ZHX2: variants seen among roughly 807,000 people sequenced by gnomAD.
ZHX2 encodes zinc fingers and homeoboxes protein 2.
Under a neutral mutation model 21.9 loss-of-function variants are expected in ZHX2, and 6 were observed. The observed-to-expected ratio is 0.27, with a 90% CI of 0.15 to 0.54. The LOEUF is 0.54. ZHX2 is among the 20% of genes least tolerant of loss of function. The pLI, the probability that ZHX2 is intolerant of heterozygous loss-of-function variation, is 0.95. For missense variants in ZHX2, 908 were observed against 1,090.7 expected, an observed-to-expected ratio of 0.83 and a Z score of 2.36; for synonymous variants, 434 against 437.1, an observed-to-expected ratio of 0.99 and a Z score of 0.09.
chr8:122,960,918 G>A (rs1250549025), intron 3 of ZHX2, among the ~76,000 whole-genome samples: 3 of 152,156 alleles, frequency 2.0e-5, no homozygotes, highest in African/African-American at 4.8e-5. Context: ...AAATGTCCTG[G>A]GCATTCAGAC....
intron 1 of ZHX2, among the ~76,000 whole-genome samples, chr8:122,804,260 C>A (rs1817780733): frequency 6.6e-6 from 1 of 152,112 alleles, no homozygotes; most frequent in Admixed American, 6.5e-5. Flanking sequence ...AGGCGTGCAC[C>A]ACTGTGCCTG....
chr8:122,826,044 C>T (rs1189073513), intron 1 of ZHX2, among the ~76,000 whole-genome samples: 1 of 152,152 alleles, frequency 6.6e-6, no homozygotes, highest in Non-Finnish European at 1.5e-5. Flanking sequence ...AGGGTGATCA[C>T]ACCTTCTGCA....
At chr8:122,804,987 AGT>A (rs1422027654) in intron 1 of ZHX2, among the ~76,000 whole-genome samples, 8 of 152,214 alleles carry the variant, frequency 5.3e-5, no homozygotes, top group African/African-American at 1.9e-4. Flanking sequence ...CTGTAGACTC[AGT>A]GTGTGTTCCT....
chr8:122,841,236 A>C (rs773995306), intron 1 of ZHX2, among the ~76,000 whole-genome samples: 18 of 152,202 alleles, frequency 1.2e-4, no homozygotes, highest in Non-Finnish European at 2.1e-4. Flanking sequence ...ACGGTGGAGC[A>C]GATGACAAAG....
rs182315751 is a variant in ZHX2 at position 122,943,740 on chromosome 8, T to C, written c.-219-7552T>C. ...TTTAATTTGGGGTTAGCTGAGATTA[T>C]TGTTTAGCTGTCTGGTTTGAGGGTT... On this transcript the variant is annotated intron_variant, in intron 2 of 3. Coordinates refer to ENST00000314393, the MANE Select transcript of ZHX2 (RefSeq NM_014943.5). 2.6e-5 allele frequency among the ~76,000 whole-genome samples: 4 copies of C among 152,322 alleles called. No homozygotes were observed. In the East Asian group the frequency reaches 7.7e-4, roughly 29 times the overall value.
At chr8:122,845,808 G>A (rs996132655) in intron 1 of ZHX2, among the ~76,000 whole-genome samples, 9 of 152,214 alleles carry the variant, frequency 5.9e-5, no homozygotes, top group Non-Finnish European at 1.0e-4. Context: ...ACCAGCATCC[G>A]GAGAACAGTG....
At chr8:122,870,419 C>T (rs1175880686) in intron 2 of ZHX2, among the ~76,000 whole-genome samples, 1 of 151,560 alleles carries the variant, frequency 6.6e-6, no homozygotes, top group Non-Finnish European at 1.5e-5. Flanking sequence ...CATCTGAGGT[C>T]AGGAGTTCAA....
intron 1 of ZHX2, among the ~76,000 whole-genome samples, chr8:122,797,627 C>T (rs891683846): frequency 2.6e-5 from 4 of 151,280 alleles, no homozygotes; most frequent in Admixed American, 1.3e-4. Flanking sequence ...ACTTAGTCAG[C>T]GCCGTCTTTG....
rs118080262 is a variant in ZHX2, at chr8:122,854,943, G to A, written c.-282-8534G>A. 3.6e-4 allele frequency among the ~76,000 whole-genome samples: 55 copies of A among 152,262 alleles called. No homozygotes were observed. The East Asian group carries it at 9.5e-3, about 26-fold the overall frequency. On this transcript the variant is annotated intron_variant, in intron 1 of 3. Coordinates refer to ENST00000314393, the MANE Select transcript of ZHX2 (RefSeq NM_014943.5). Reference sequence around the variant, plus strand: ...AGTAGCCAAATAGCCTCCATTTTCCGATGTCTACCACTAGCCTCTGCTTCA... The same window carrying A: ...AGTAGCCAAATAGCCTCCATTTTCCAATGTCTACCACTAGCCTCTGCTTCA...
intron 1 of ZHX2, among the ~76,000 whole-genome samples, chr8:122,840,059 T>A (rs1029985527): frequency 1.3e-5 from 2 of 152,130 alleles, no homozygotes; most frequent in Non-Finnish European, 2.9e-5. Flanking sequence ...TGGACTAGAA[T>A]CCAGATTGTC....
intron 1 of ZHX2, among the ~76,000 whole-genome samples, chr8:122,792,171 C>T (rs899197462): frequency 6.6e-6 from 1 of 152,240 alleles, no homozygotes; most frequent in African/African-American, 2.4e-5. Context: ...AAGCCCTACA[C>T]AGCCACTAAT....
intron 1 of ZHX2, among the ~76,000 whole-genome samples, chr8:122,789,074 G>A (rs934044874): frequency 1.3e-5 from 2 of 152,228 alleles, no homozygotes; most frequent in Admixed American, 1.3e-4. Context: ...TGGAGCCGGA[G>A]GAGAATCTGG....
intron 1 of ZHX2, among the ~76,000 whole-genome samples, chr8:122,845,987 A>G (rs1376987044): frequency 1.3e-5 from 2 of 152,170 alleles, no homozygotes; most frequent in Non-Finnish European, 2.9e-5. Context: ...CAGAGTGGAG[A>G]AGGCAAAAGT....
chr8:122,880,385 G>T lies in ZHX2; in HGVS notation c.-220+16846G>T, dbSNP rs1057234471. Among the ~76,000 whole-genome samples the T allele has an allele frequency of 3.9e-5, 6 of 152,206 alleles. No individual in the cohort carries two copies. In the South Asian group the frequency reaches 1.2e-3, roughly 32 times the overall value. On this transcript the variant is annotated intron_variant, in intron 2 of 3. Transcript: ENST00000314393. ...AGGCAAGCTGTCTGGTCCAGACCCT[G>T]TGCACTCTGCCCTCTCCCCTCTTTC... is the stretch of plus-strand genomic sequence containing the variant.
At chr8:122,822,392 A>G (rs903992570) in intron 1 of ZHX2, among the ~76,000 whole-genome samples, 3 of 152,162 alleles carry the variant, frequency 2.0e-5, no homozygotes, top group Non-Finnish European at 4.4e-5. Flanking sequence ...ACTGAGGCCC[A>G]GGGAACAGTG....
intron 1 of ZHX2, among the ~76,000 whole-genome samples, chr8:122,852,930 C>G (rs899222762): frequency 6.6e-6 from 1 of 152,082 alleles, no homozygotes; most frequent in Non-Finnish European, 1.5e-5. Flanking sequence ...TTATGGTCAC[C>G]TGGTGTTTCT....
At position 122,950,175 on chromosome 8, in the gene ZHX2, T is replaced by C. The variant is rs578013409; in HGVS notation, c.-219-1117T>C. Among the ~76,000 whole-genome samples the C allele has an allele frequency of 2.0e-5, 3 of 152,218 alleles. No individual in the cohort carries two copies. The Middle Eastern group carries it at 0.01, about 518-fold the overall frequency. ...AGTTATCAAAAATAAGGATTAAGGG[T>C]ATTCACTGCAGTTTTGTTGATAAGA... is the stretch of plus-strand genomic sequence containing the variant. On this transcript the variant is annotated intron_variant, in intron 2 of 3. Coordinates refer to ENST00000314393, the MANE Select transcript of ZHX2 (RefSeq NM_014943.5).
chr8:122,789,699 G>A (rs986961245), intron 1 of ZHX2, among the ~76,000 whole-genome samples: 1 of 152,202 alleles, frequency 6.6e-6, no homozygotes, highest in Admixed American at 6.5e-5. Flanking sequence ...TGGAGAAAGA[G>A]ACTGCCCTCT....
At chr8:122,883,186 T>C (rs1819757711) in intron 2 of ZHX2, among the ~76,000 whole-genome samples, 1 of 152,124 alleles carries the variant, frequency 6.6e-6, no homozygotes, top group Non-Finnish European at 1.5e-5. Context: ...GGCTTTCTCT[T>C]GTTCTTCAGA....
Sources: gnomAD v4.1 joint callset for allele counts (sites outside exome capture counted in the v4.1 genomes callset) on GRCh38, gnomAD v4.1.1 for gene constraint, MANE v1.5 for transcripts, NCBI Gene and HGNC (gene_info 2026-07-23, HGNC 2026-07-21) for gene names.